The following CDH18 variants were observed in gnomAD, a reference collection of about 807,000 sequenced individuals.
CDH18 encodes cadherin 18.
A neutral mutation model predicts 67.9 loss-of-function variants in CDH18; 31 were observed. The ratio of observed to expected loss-of-function variants is 0.46; its 90% CI spans 0.34 to 0.62. CDH18 has a LOEUF of 0.62. Ranked by LOEUF, CDH18 falls within the 20% of genes least tolerant of loss-of-function variation. CDH18 has a pLI of 0.01. For synonymous variants in CDH18, 362 were observed against 347.2 expected (o/e 1.04, Z -0.48); for missense variants, 890 against 975.5 (o/e 0.91, Z 1.17).
At chr5:20,531,427 A>C (rs1450226629) in intron 1 of CDH18, among the ~76,000 whole-genome samples, 3 of 152,116 alleles carry the variant, frequency 2.0e-5, no homozygotes, top group Admixed American at 6.6e-5. Flanking sequence ...CACTATAAAA[A>C]TACATCGATG....
At chr5:20,262,996 A>AGGGGAGGGG (rs1744768839) in intron 1 of CDH18, among the ~76,000 whole-genome samples, 1 of 44,968 alleles carries the variant, frequency 2.2e-5, no homozygotes, top group East Asian at 8.1e-4. Flanking sequence ...AAGGGAGGGA[A>AGGGGAGGGG]GGGGAGGGGA....
At chr5:20,312,156 A>G (rs1737054460) in intron 1 of CDH18, among the ~76,000 whole-genome samples, 1 of 152,208 alleles carries the variant, frequency 6.6e-6, no homozygotes, top group Non-Finnish European at 1.5e-5. Context: ...AGCTTAGCTA[A>G]TAACAAAATA....
chr5:19,566,033 T>C (rs1218552194), intron 8 of CDH18, among the ~76,000 whole-genome samples: 1 of 151,142 alleles, frequency 6.6e-6, no homozygotes, highest in Non-Finnish European at 1.5e-5. Context: ...AAAAAAAAAA[T>C]CTAATAATCT....
At chr5:19,709,679 A>T (rs1252407757) in intron 5 of CDH18, among the ~76,000 whole-genome samples, 2 of 151,818 alleles carry the variant, frequency 1.3e-5, no homozygotes, top group African/African-American at 4.8e-5. Flanking sequence ...GAAAAAGAAA[A>T]GAAAGAAAAG....
intron 1 of CDH18, among the ~76,000 whole-genome samples, chr5:20,400,960 A>C (rs1745717580): frequency 6.6e-6 from 1 of 152,108 alleles, no homozygotes; most frequent in Non-Finnish European, 1.5e-5. Context: ...ACCACACCTT[A>C]CTTATTCTTT....
intron 1 of CDH18, among the ~76,000 whole-genome samples, chr5:20,449,470 A>G (rs1022943801): frequency 6.6e-6 from 1 of 152,108 alleles, no homozygotes; most frequent in African/African-American, 2.4e-5. Context: ...AAATAAAGAC[A>G]TAATTTATAA....
At chr5:19,803,842 C>A (rs547211219) in intron 3 of CDH18, 1 of 152,230 alleles carries the variant, frequency 6.6e-6, no homozygotes, top group African/African-American at 2.4e-5. Flanking sequence ...AAATCCTAGG[C>A]CGGGCGCGGT....
At chr5:19,599,105 C>A (rs923679101) in intron 6 of CDH18, among the ~76,000 whole-genome samples, 2 of 151,900 alleles carry the variant, frequency 1.3e-5, no homozygotes, top group East Asian at 3.9e-4. Context: ...TAGTATTCTA[C>A]CATAAAAGAT....
intron 9 of CDH18, among the ~76,000 whole-genome samples, chr5:19,533,750 A>G (rs1356465551): frequency 6.6e-6 from 1 of 152,124 alleles, no homozygotes; most frequent in Non-Finnish European, 1.5e-5. Context: ...GAAAAAAGCC[A>G]TATTTACAGA....
chr5:19,696,014 T>TA (rs1762488192), intron 5 of CDH18, among the ~76,000 whole-genome samples: 1 of 152,160 alleles, frequency 6.6e-6, no homozygotes, highest in Non-Finnish European at 1.5e-5. Context: ...AGTTTTCATC[T>TA]AAAAAAATTC....
At chr5:20,331,067 T>G (rs1242597528) in intron 1 of CDH18, among the ~76,000 whole-genome samples, 1 of 152,188 alleles carries the variant, frequency 6.6e-6, no homozygotes, top group Non-Finnish European at 1.5e-5. Flanking sequence ...TGAGAAAGTA[T>G]TATTAATTTG....
intron 11 of CDH18, among the ~76,000 whole-genome samples, chr5:19,487,861 A>C (rs1740656612): frequency 6.6e-6 from 1 of 152,164 alleles, no homozygotes; most frequent in Non-Finnish European, 1.5e-5. Context: ...AAGCAATCAT[A>C]ATAATAAATA....
At chr5:19,608,215 G>A (rs1345704845) in intron 6 of CDH18, among the ~76,000 whole-genome samples, 1 of 151,442 alleles carries the variant, frequency 6.6e-6, no homozygotes, top group African/African-American at 2.4e-5. Context: ...AAAGTGAGTA[G>A]GAACAGTTAT....
At chr5:19,642,577 T>C (rs1191995112) in intron 5 of CDH18, among the ~76,000 whole-genome samples, 1 of 152,010 alleles carries the variant, frequency 6.6e-6, no homozygotes, top group Non-Finnish European at 1.5e-5. Flanking sequence ...ACAGGGAAAT[T>C]ATAATCTCTT....
At chr5:20,536,532 T>G (rs1756734854) in intron 1 of CDH18, among the ~76,000 whole-genome samples, 1 of 152,104 alleles carries the variant, frequency 6.6e-6, no homozygotes, top group Non-Finnish European at 1.5e-5. Context: ...GCCTGAACGG[T>G]GCCTGGGAGT....
At chr5:19,519,222 T>C (rs946169185) in intron 10 of CDH18, among the ~76,000 whole-genome samples, 2 of 152,102 alleles carry the variant, frequency 1.3e-5, no homozygotes. Context: ...ACAGTGAACA[T>C]GAAAAAAGCT....
intron 1 of CDH18, among the ~76,000 whole-genome samples, chr5:20,472,520 A>T (rs891649167): frequency 6.6e-6 from 1 of 152,216 alleles, no homozygotes; most frequent in African/African-American, 2.4e-5. Flanking sequence ...TTTCCATTCA[A>T]TTTTGTTGTG....
At chr5:20,216,180 T>C (rs1740754473) in intron 2 of CDH18, among the ~76,000 whole-genome samples, 1 of 151,918 alleles carries the variant, frequency 6.6e-6, no homozygotes, top group Admixed American at 6.6e-5. Flanking sequence ...TGATCAAAGA[T>C]CATTATACCA....
intron 2 of CDH18, among the ~76,000 whole-genome samples, chr5:20,009,188 A>T (rs187884380): frequency 1.3e-5 from 2 of 152,196 alleles, no homozygotes; most frequent in East Asian, 3.9e-4. Context: ...CCCCAAGGAA[A>T]GCCGATGGGA....
Sources: gnomAD v4.1 joint callset for allele counts (sites outside exome capture counted in the v4.1 genomes callset) on GRCh38, gnomAD v4.1.1 for gene constraint, MANE v1.5 for transcripts, NCBI Gene and HGNC (gene_info 2026-07-23, HGNC 2026-07-21) for gene names.